CLINT1: variants seen among roughly 807,000 people sequenced by gnomAD.
CLINT1 encodes clathrin interacting protein localized in the trans-Golgi region.
In CLINT1, 15 loss-of-function variants were observed where a neutral mutation model predicts 70.4. The ratio of observed to expected loss-of-function variants is 0.21; its 90% confidence interval spans 0.14 to 0.33. The LOEUF (loss-of-function observed/expected upper bound fraction) is 0.33. CLINT1 is among the 10% of genes least tolerant of loss of function. The pLI, the probability that CLINT1 is intolerant of heterozygous loss-of-function variation, is 1.00. For synonymous variants in CLINT1, 227 were observed against 254.7 expected (o/e 0.89, Z 1.04); for missense variants, 615 against 778.1 (o/e 0.79, Z 2.49).
intron 1 of CLINT1, among the ~76,000 whole-genome samples, chr5:157,841,845 A>G (rs73293452): frequency 0.023 from 3,538 of 152,232 alleles, 122 homozygotes; most frequent in African/African-American, 0.076. Context: ...GGCCCTGGCT[A>G]GTTTCAAACT....
intron 1 of CLINT1, 144 bp downstream of exon 1, chr5:157,858,785 GC>G: frequency 1.2e-6 from 1 of 818,476 alleles, no homozygotes; most frequent in Non-Finnish European, 1.9e-6. Context: ...GAGGCCCGGG[GC>G]CGGGAAGGAG....
chr5:157,858,878 CCTCCCCCCTCCCCCACGT>C, intron 1 of CLINT1, 34 bp downstream of exon 1: 1 of 524,910 alleles, frequency 1.9e-6, no homozygotes, highest in Non-Finnish European at 3.3e-6. Flanking sequence ...TCCTTCTCCC[CCTCCCCCCTCCCCCACGT>C]GGGCCTCGGC....
At chr5:157,847,969 A>C (rs917303380) in intron 1 of CLINT1, among the ~76,000 whole-genome samples, 2 of 151,920 alleles carry the variant, frequency 1.3e-5, no homozygotes, top group African/African-American at 4.8e-5. Flanking sequence ...ACCACACCTG[A>C]CTAATTTTTG....
chr5:157,800,217 T>C (rs1762169229), intron 8 of CLINT1, among the ~76,000 whole-genome samples: 1 of 152,172 alleles, frequency 6.6e-6, no homozygotes, highest in Admixed American at 6.5e-5. Flanking sequence ...CTTTTGAGAA[T>C]GCTAAGAACA....
At position 157,802,320 on chromosome 5, in the gene CLINT1, C is replaced by T. The variant is rs570268141; in HGVS notation, c.1012+1330G>A. On this transcript the variant is annotated intron_variant, in intron 8 of 11. Transcript: ENST00000411809. Reference sequence around the variant, plus strand: ...ATGAACTTAGGCTTGGAAAGACTGTCTTTAAACAGAAGATGTATTTGTTAA... The same window carrying T: ...ATGAACTTAGGCTTGGAAAGACTGTTTTTAAACAGAAGATGTATTTGTTAA... 1.2e-4 allele frequency among the ~76,000 whole-genome samples: 19 copies of T among 152,266 alleles called. No individual in the cohort carries two copies. In the South Asian group the frequency reaches 2.7e-3, roughly 22 times the overall value.
intron 1 of CLINT1, among the ~76,000 whole-genome samples, chr5:157,854,224 C>G (rs1373983919): frequency 1.3e-5 from 2 of 152,120 alleles, no homozygotes; most frequent in Admixed American, 6.6e-5. Flanking sequence ...ATAATCCATT[C>G]AAGTTGTAGC....
At chr5:157,852,316 T>C (rs1753602776) in intron 1 of CLINT1, among the ~76,000 whole-genome samples, 1 of 152,230 alleles carries the variant, frequency 6.6e-6, no homozygotes, top group Admixed American at 6.5e-5. Context: ...AAGCCATTTA[T>C]GATTTAGCAA....
intron 1 of CLINT1, among the ~76,000 whole-genome samples, chr5:157,835,827 TTAAGA>T (rs1321650343): frequency 2.0e-5 from 3 of 152,174 alleles, no homozygotes; most frequent in Non-Finnish European, 4.4e-5. Flanking sequence ...ACTTAAAAAG[TTAAGA>T]TAACTTGGCA....
Position 157,859,016 on chromosome 5 carries a change from A to C in CLINT1, c.-46T>G. ...CCGCCGCCTCCCTCTCCTGCTCCCC[A>C]CGGACCCCGGAACACTTCCGTACCG... On this transcript the variant is annotated 5_prime_UTR_variant, in exon 1 of 12. Coordinates refer to ENST00000411809, the MANE Select transcript of CLINT1 (RefSeq NM_014666.4). 1 of 1,601,664 alleles carries C rather than the reference A, an allele frequency of 6.2e-7. No homozygotes were observed. The highest frequency in any genetic ancestry group is 8.5e-7 in the Non-Finnish European group (1 of 1,172,932).
intron 8 of CLINT1, chr5:157,795,208 G>C: frequency 2.2e-6 from 1 of 453,940 alleles, no homozygotes; most frequent in Non-Finnish European, 3.9e-6. Flanking sequence ...CACTGTATCT[G>C]TTGTTAAAAT....
At position 157,858,923 on chromosome 5, in the gene CLINT1, T is replaced by C; in HGVS notation, c.41+7A>G. ...GGCCTCGGCCACAACTGCCCCCCGA[T>C]ACTCACGCTTTGTCCACCAGCTCGC... On this transcript the variant is annotated splice_region_variant and intron_variant, in intron 1 of 11. Coordinates refer to ENST00000411809, the MANE Select transcript of CLINT1 (RefSeq NM_014666.4). 1.6e-6 allele frequency: 2 copies of C among 1,236,966 alleles called. No individual in the cohort carries two copies. Among genetic ancestry groups the C allele is most frequent in the Non-Finnish European group, 2.2e-6 (2 of 929,474 alleles). The allele number at this position is 1,236,966 out of a possible 1,614,324, so 76.6% of individuals were successfully genotyped here. A position where few individuals can be genotyped will look rare whatever the true frequency, so the allele number is the denominator to read the frequency against.
At chr5:157,797,149 A>C (rs1351808298) in intron 8 of CLINT1, among the ~76,000 whole-genome samples, 2 of 152,212 alleles carry the variant, frequency 1.3e-5, no homozygotes, top group African/African-American at 4.8e-5. Flanking sequence ...CAAGTAAATG[A>C]ATACTTCAAA....
intron 3 of CLINT1, among the ~76,000 whole-genome samples, chr5:157,816,292 G>A (rs958671176): frequency 5.3e-5 from 8 of 152,052 alleles, no homozygotes; most frequent in African/African-American, 1.4e-4. Flanking sequence ...TAAAAAGTTC[G>A]TATTCATAAG....
At chr5:157,791,160 G>A (rs561486990) in intron 10 of CLINT1, among the ~76,000 whole-genome samples, 6 of 152,120 alleles carry the variant, frequency 3.9e-5, no homozygotes, top group East Asian at 1.9e-4. Context: ...CTGGGTTCAC[G>A]CCATTCTCCT....
chr5:157,836,480 T>C (rs1763427537), intron 1 of CLINT1, among the ~76,000 whole-genome samples: 1 of 152,228 alleles, frequency 6.6e-6, no homozygotes. Flanking sequence ...TCCAATCCAC[T>C]ATCCAACTCA....
intron 9 of CLINT1, among the ~76,000 whole-genome samples, chr5:157,793,916 G>A (rs1183557707): frequency 6.6e-6 from 1 of 152,030 alleles, no homozygotes; most frequent in Non-Finnish European, 1.5e-5. Context: ...CTTGTGATGA[G>A]TAACAACACT....
intron 1 of CLINT1, among the ~76,000 whole-genome samples, chr5:157,841,575 GA>G (rs1458333665): frequency 6.6e-6 from 1 of 151,906 alleles, no homozygotes; most frequent in Non-Finnish European, 1.5e-5. Context: ...CAAAAAAAAA[GA>G]AAAAAGAAAA....
intron 1 of CLINT1, among the ~76,000 whole-genome samples, chr5:157,827,892 A>G (rs894958860): frequency 6.6e-6 from 1 of 152,228 alleles, no homozygotes; most frequent in Non-Finnish European, 1.5e-5. Flanking sequence ...TTTGTGGCAA[A>G]TGCAAAGTAA....
In CLINT1 at chr5:157,786,266, G is replaced by A. The variant is rs893092391; in HGVS notation, c.*1380C>T. Reference sequence around the variant, plus strand: ...AATGGTCTCAAATGTCTAACAGAACGAAAGAAAAAGCAGTTCAACATTGAT... The same window carrying A: ...AATGGTCTCAAATGTCTAACAGAACAAAAGAAAAAGCAGTTCAACATTGAT... On this transcript the variant is annotated 3_prime_UTR_variant, in exon 12 of 12. Transcript: ENST00000411809. 2.0e-5 allele frequency: 3 copies of A among 151,968 alleles called. No individual in the cohort carries two copies. The highest frequency in any genetic ancestry group is 1.9e-4 in the East Asian group (1 of 5,196). The allele number at this position is 151,968 out of a possible 1,614,324, so 9.4% of individuals were successfully genotyped here. A position where few individuals can be genotyped will look rare whatever the true frequency, so the allele number is the denominator to read the frequency against.
Sources: allele counts gnomAD v4.1 joint callset (sites outside exome capture counted in the v4.1 genomes callset), GRCh38; gene constraint gnomAD v4.1.1; transcripts MANE v1.5; gene names NCBI Gene and HGNC (gene_info 2026-07-23, HGNC 2026-07-21).